The following CRTAM variants were observed in gnomAD, a reference collection of about 807,000 sequenced individuals.
The protein encoded by CRTAM is cytotoxic and regulatory T cell molecule, also known as cytotoxic and regulatory T-cell molecule.
A neutral mutation model predicts 50.0 loss-of-function variants in CRTAM; 44 were observed. The ratio of observed to expected loss-of-function variants is 0.88; its 90% CI spans 0.69 to 1.13. CRTAM has a LOEUF of 1.13. CRTAM is among the 50% of genes most tolerant of loss of function. The probability of loss-of-function intolerance (pLI) is 0.00; values close to 1 mark genes in which losing one functional copy is unlikely to be tolerated. For synonymous variants in CRTAM, 159 were observed against 169.3 expected (o/e 0.94, Z 0.47); for missense variants, 448 against 457.5 (o/e 0.98, Z 0.19).
chr11:122,863,228 C>CGAAAGAAAGAAAGAAA (rs150041954), intron 6 of CRTAM, among the ~76,000 whole-genome samples: 44 of 108,672 alleles, frequency 4.0e-4, no homozygotes, highest in African/African-American at 1.3e-3. Flanking sequence ...AAATGAATTA[C>CGAAAGAAAGAAAGAAA]GAAAGAAAGA....
rs575814291 is a variant in CRTAM at position 122,851,811 on chromosome 11, T to C, written c.312T>C (p.Ser104=). ...ACAAGTGCTTACATTACAGCGACTC[T>C]GTAAGCACAAAGGAAGTGAAAGTGA... ...GVYKCLHYSD[S]VSTKEVKVIV... The change falls in exon 3 of 10, where the codon TCT becomes TCC. Residue 104 remains serine, a synonymous_variant. Transcript: ENST00000227348. 28 of 1,614,174 alleles carry C rather than the reference T, an allele frequency of 1.7e-5. No individual in the cohort carries two copies. The East Asian group carries it at 5.6e-4, about 32-fold the overall frequency.
At chr11:122,841,917 G>A (rs1861803653) in intron 1 of CRTAM, among the ~76,000 whole-genome samples, 1 of 152,192 alleles carries the variant, frequency 6.6e-6, no homozygotes, top group Non-Finnish European at 1.5e-5. Context: ...GGGGAAAAGG[G>A]AAGCTAAGGC....
intron 5 of CRTAM, among the ~76,000 whole-genome samples, chr11:122,857,639 T>C (rs1470587068): frequency 1.3e-5 from 2 of 152,224 alleles, no homozygotes; most frequent in African/African-American, 4.8e-5. Flanking sequence ...TATTGACATA[T>C]AGATGTTACA....
At chr11:122,846,652 C>T (rs942525374) in intron 1 of CRTAM, among the ~76,000 whole-genome samples, 4 of 152,116 alleles carry the variant, frequency 2.6e-5, no homozygotes, top group African/African-American at 4.8e-5. Context: ...CTCTCTCTGT[C>T]TTTTCATCAA....
In CRTAM at chr11:122,864,686, G is replaced by A. The variant is rs866388328; in HGVS notation, c.784G>A (p.Glu262Lys). Residue 262 changes from glutamate to lysine, a missense_variant, in exon 7 of 10, where the codon GAA becomes AAA. Physicochemically the swap from Glu to Lys is moderately conservative, Grantham distance 56 (BLOSUM62 1). Coordinates refer to ENST00000227348, the MANE Select transcript of CRTAM (RefSeq NM_019604.4). The part of the protein sequence containing the change: ...STSEIDKEEK[E>K]QTTQDPDLTT... Reference sequence around the variant, plus strand: ...ATCGGAGATTGACAAGGAAGAGAAAGAACAAACCACTCAAGATCCTGACTT... The same window carrying A: ...ATCGGAGATTGACAAGGAAGAGAAAAAACAAACCACTCAAGATCCTGACTT... 1 of 1,613,760 alleles carries A rather than the reference G, an allele frequency of 6.2e-7. No homozygotes were observed.
Position 122,851,630 on chromosome 11 carries a change from G to A in CRTAM, c.194-63G>A, listed in dbSNP as rs59383989. Reference sequence around the variant, plus strand: ...GGGGCAGTGCTTCTGGCATCTACTGGGTAGAGGCCAACGATTCATCGGATA... The same window carrying A: ...GGGGCAGTGCTTCTGGCATCTACTGAGTAGAGGCCAACGATTCATCGGATA... On this transcript the variant is annotated intron_variant, in intron 2 of 9. Coordinates refer to ENST00000227348, the MANE Select transcript of CRTAM (RefSeq NM_019604.4). 5,339 of 1,478,560 alleles carry A rather than the reference G, an allele frequency of 3.6e-3. 139 individuals carry two copies. In the African/African-American group the frequency reaches 0.062, roughly 17 times the overall value. The allele number at this position is 1,478,560 out of a possible 1,614,324, so 91.6% of individuals were successfully genotyped here. A position where few individuals can be genotyped will look rare whatever the true frequency, so the allele number is the denominator to read the frequency against.
intron 5 of CRTAM, among the ~76,000 whole-genome samples, chr11:122,861,414 ATATATATTTTTTTTTTTT>A (rs1200088619): frequency 9.5e-4 from 21 of 22,026 alleles, no homozygotes; most frequent in African/African-American, 4.3e-3. Context: ...ATATATATAT[ATATATATTTTTTTTTTTT>A]TTTTTTTTTT....
At chr11:122,867,159 CTACG>C (rs1862187012) in intron 7 of CRTAM, among the ~76,000 whole-genome samples, 1 of 152,130 alleles carries the variant, frequency 6.6e-6, no homozygotes, top group Admixed American at 6.6e-5. Context: ...AGCCCAATAG[CTACG>C]TCACTTAAAA....
Position 122,853,962 on chromosome 11 carries a change from C to T in CRTAM, c.366C>T (p.Ile122=). The stretch of plus-strand genomic sequence containing the variant: ...TTCTAGCAACTCCTTTCAAGCCAAT[C>T]CTGGAAGCTTCAGTTATCAGAAAGC... ...VIVLATPFKP[I]LEASVIRKQN... The change falls in exon 4 of 10, where the codon ATC becomes ATT. Residue 122 remains isoleucine (I), a synonymous_variant. Coordinates refer to ENST00000227348, the MANE Select transcript of CRTAM (RefSeq NM_019604.4). 3.1e-6 allele frequency: 5 copies of T among 1,613,960 alleles called. No individual in the cohort carries two copies. The highest frequency in any genetic ancestry group is 4.2e-6 in the Non-Finnish European group (5 of 1,179,958).
At chr11:122,846,145 T>G (rs1375553708) in intron 1 of CRTAM, among the ~76,000 whole-genome samples, 1 of 152,138 alleles carries the variant, frequency 6.6e-6, no homozygotes, top group East Asian at 1.9e-4. Flanking sequence ...GGGTACCCAC[T>G]CCATTCACAG....
Position 122,868,186 on chromosome 11 carries a change from A to ATGTG in CRTAM, c.1051+88_1051+89insGTGT, listed in dbSNP as rs1491344363. On this transcript the variant is annotated intron_variant, in intron 9 of 9. Coordinates refer to ENST00000227348, the MANE Select transcript of CRTAM (RefSeq NM_019604.4). ...TCTCCAGAGAGACAGAGACAACAGA[A>ATGTG]TATGTGTGTGTGTGTGTGTGTGTGT... 563 of 630,914 alleles carry ATGTG rather than the reference A, an allele frequency of 8.9e-4. 2 individuals are homozygous for ATGTG. The highest frequency in any genetic ancestry group is 2.1e-3 in the South Asian group (125 of 59,422). 39.1% of individuals were successfully genotyped at this position (630,914 alleles called of 1,614,324 possible).
At chr11:122,845,192 A>G (rs1307582388) in intron 1 of CRTAM, among the ~76,000 whole-genome samples, 1 of 152,186 alleles carries the variant, frequency 6.6e-6, no homozygotes, top group Non-Finnish European at 1.5e-5. Flanking sequence ...AACCAGGTAA[A>G]GACACTGATT....
At chr11:122,867,672 T>C in intron 8 of CRTAM, 117 bp downstream of exon 8, 1 of 1,037,428 alleles carries the variant, frequency 9.6e-7, no homozygotes, top group Non-Finnish European at 1.4e-6. Flanking sequence ...ATTTGATAAG[T>C]GCTGTCTCAG....
chr11:122,853,171 G>C (rs1008201202), intron 3 of CRTAM, among the ~76,000 whole-genome samples: 3 of 151,554 alleles, frequency 2.0e-5, no homozygotes, highest in African/African-American at 7.3e-5. Flanking sequence ...AGGTTCAAGC[G>C]ATTCTCCTGC....
chr11:122,864,866 G>A, intron 7 of CRTAM, 147 bp downstream of exon 7: 1 of 611,796 alleles, frequency 1.6e-6, no homozygotes, highest in African/African-American at 1.9e-5. Flanking sequence ...GTCCCTCCTT[G>A]ATTTAGTTAC....
intron 1 of CRTAM, 79 bp downstream of exon 1, chr11:122,838,671 C>A: frequency 7.4e-7 from 1 of 1,352,186 alleles, no homozygotes; most frequent in Non-Finnish European, 1.1e-6. Context: ...CAGTCAACTG[C>A]ATTTACAGAG....
At chr11:122,843,531 T>C (rs555427950) in intron 1 of CRTAM, among the ~76,000 whole-genome samples, 1 of 152,284 alleles carries the variant, frequency 6.6e-6, no homozygotes, top group African/African-American at 2.4e-5. Flanking sequence ...ATAAGAACTC[T>C]GAAGCTCAGA....
At chr11:122,862,696 C>G in intron 6 of CRTAM, 152 bp downstream of exon 6, 1 of 597,462 alleles carries the variant, frequency 1.7e-6, no homozygotes, top group East Asian at 2.8e-5. Flanking sequence ...TTGTACCATC[C>G]TAGAGAAGAA....
chr11:122,863,002 C>T (rs1035402212), intron 6 of CRTAM, among the ~76,000 whole-genome samples: 2 of 152,160 alleles, frequency 1.3e-5, no homozygotes, highest in South Asian at 4.1e-4. Context: ...ACAAAATCAC[C>T]TCTGAAGGCA....
Sources: allele counts gnomAD v4.1 joint callset (sites outside exome capture counted in the v4.1 genomes callset), GRCh38; gene constraint gnomAD v4.1.1; transcripts MANE v1.5; gene names NCBI Gene and HGNC (gene_info 2026-07-23, HGNC 2026-07-21).